The following SLAIN2 variants were observed in gnomAD, a reference collection of about 807,000 sequenced individuals.
SLAIN2 encodes the protein SLAIN motif-containing protein 2.
A neutral mutation model predicts 56.6 loss-of-function variants in SLAIN2; 31 were observed. That is an observed-to-expected ratio of 0.55 (90% CI 0.41 to 0.74). The LOEUF (loss-of-function observed/expected upper bound fraction) is 0.74, where lower values mean the gene tolerates loss of function less well. SLAIN2 is among the 30% of genes least tolerant of loss of function. SLAIN2 has a pLI of 0.00. For synonymous variants in SLAIN2, 317 were observed against 284.9 expected, an observed-to-expected ratio of 1.11 and a Z score of -1.13; for missense variants, 777 against 754.2, an observed-to-expected ratio of 1.03 and a Z score of -0.35.
In SLAIN2 at chr4:48,424,112, T is replaced by G. The variant is rs951814670; in HGVS notation, c.*2035T>G. On this transcript the variant is annotated 3_prime_UTR_variant, in exon 8 of 8. Coordinates refer to ENST00000264313, the MANE Select transcript of SLAIN2 (RefSeq NM_020846.2). ...GAGTATTCAGGTTATTTAACTTTGT[T>G]TTTAAATGGCTGCATCAGAAAAAAA... 6.6e-6 allele frequency: 1 copy of G among 152,212 alleles called. No individual in the cohort carries two copies. The highest frequency in any genetic ancestry group is 2.4e-5 in the African/African-American group (1 of 41,466). The allele number at this position is 152,212 out of a possible 1,614,324, so 9.4% of individuals were successfully genotyped here.
intron 6 of SLAIN2, among the ~76,000 whole-genome samples, chr4:48,418,740 G>A (rs1236148663): frequency 2.0e-5 from 3 of 151,996 alleles, no homozygotes; most frequent in African/African-American, 7.2e-5. Context: ...TTAAACATTT[G>A]GTGGAATTTC....
rs143032819 is a variant in SLAIN2, at chr4:48,343,434, A to G, written c.389+1306A>G. Among the ~76,000 whole-genome samples the G allele has an allele frequency of 3.8e-3, 575 of 152,292 alleles. 5 individuals carry two copies. The highest frequency in any genetic ancestry group is 0.013 in the African/African-American group (532 of 41,582). On this transcript the variant is annotated intron_variant, in intron 1 of 7. Transcript: ENST00000264313. ...ACTTAAATCAAGAAACAGTTCTTAT[A>G]TGATGTTGTAGGAGATTCTGGTGAT...
chr4:48,346,463 A>C (rs1224081471), intron 1 of SLAIN2, among the ~76,000 whole-genome samples: 1 of 152,088 alleles, frequency 6.6e-6, no homozygotes, highest in Non-Finnish European at 1.5e-5. Flanking sequence ...TTTGTTGATA[A>C]ATGTCCCAAT....
intron 1 of SLAIN2, among the ~76,000 whole-genome samples, chr4:48,344,696 T>C (rs1024784684): frequency 6.6e-6 from 1 of 152,084 alleles, no homozygotes; most frequent in Non-Finnish European, 1.5e-5. Context: ...TACTCTTCTT[T>C]TTTTTTTTGG....
At chr4:48,342,150 G>A (rs1560446851) in intron 1 of SLAIN2, 22 bp downstream of exon 1, 5 of 1,337,226 alleles carry the variant, frequency 3.7e-6, no homozygotes, top group Non-Finnish European at 4.8e-6. Context: ...GCGCCGGGCA[G>A]GAGCTGGGCG....
At chr4:48,395,725 T>C (rs969784314) in intron 6 of SLAIN2, among the ~76,000 whole-genome samples, 1 of 151,738 alleles carries the variant, frequency 6.6e-6, no homozygotes, top group African/African-American at 2.4e-5. Flanking sequence ...ATAGACTGGA[T>C]AGATTATGTT....
At chr4:48,402,360 C>T (rs1716577231) in intron 6 of SLAIN2, among the ~76,000 whole-genome samples, 1 of 152,106 alleles carries the variant, frequency 6.6e-6, no homozygotes, top group Admixed American at 6.5e-5. Context: ...TGGATGATAT[C>T]CTGAAGTATG....
intron 4 of SLAIN2, among the ~76,000 whole-genome samples, chr4:48,380,179 G>A (rs1715933056): frequency 6.6e-6 from 1 of 152,046 alleles, no homozygotes; most frequent in African/African-American, 2.4e-5. Flanking sequence ...TTGTGTTTTA[G>A]TGTAAACCAG....
chr4:48,383,723 T>C lies in SLAIN2; in HGVS notation c.1299T>C (p.Ser433=). ...TQVDSVKSSR[S]DSNFQVPNGG... ...TTGACTCAGTGAAAAGCAGCAGAAGTGACTCAAATTTTCAAGTGCCAAACG... is the reference window on the plus strand; with the variant it reads ...TTGACTCAGTGAAAAGCAGCAGAAGCGACTCAAATTTTCAAGTGCCAAACG... Residue 433 remains serine, a synonymous_variant, in exon 6 of 8, where the codon AGT becomes AGC. Transcript: ENST00000264313. 6.2e-7 allele frequency: 1 copy of C among 1,611,862 alleles called. No individual in the cohort carries two copies. Among genetic ancestry groups the C allele is most frequent in the South Asian group, 1.1e-5 (1 of 90,626 alleles).
intron 6 of SLAIN2, among the ~76,000 whole-genome samples, chr4:48,398,291 T>G (rs1299432555): frequency 1.3e-5 from 2 of 152,234 alleles, no homozygotes; most frequent in Admixed American, 1.3e-4. Flanking sequence ...CATGAATGTC[T>G]TATTTTGAGA....
intron 1 of SLAIN2, among the ~76,000 whole-genome samples, chr4:48,345,375 G>A (rs1714836303): frequency 6.6e-6 from 1 of 151,964 alleles, no homozygotes; most frequent in Admixed American, 6.6e-5. Context: ...CTTCGACCAT[G>A]GTTATTTTTT....
rs970173161 is a variant in SLAIN2, at chr4:48,426,194, T to C, written c.*4117T>C. On this transcript the variant is annotated 3_prime_UTR_variant, in exon 8 of 8. Coordinates refer to ENST00000264313, the MANE Select transcript of SLAIN2 (RefSeq NM_020846.2). ...GTTTCTTTTAAATAAATGTTTCTTA[T>C]GTAAAAATGTTGACATGAGTTTGCT... The C allele has an allele frequency of 1.3e-5, 2 of 152,084 alleles. No individual in the cohort carries two copies. The highest frequency in any genetic ancestry group is 2.4e-5 in the African/African-American group (1 of 41,432). 9.4% of individuals were successfully genotyped at this position (152,084 alleles called of 1,614,324 possible).
At chr4:48,345,098 G>A (rs529697430) in intron 1 of SLAIN2, among the ~76,000 whole-genome samples, 4 of 152,168 alleles carry the variant, frequency 2.6e-5, no homozygotes, top group Admixed American at 1.3e-4. Flanking sequence ...CTCTCTCCAA[G>A]CATCAAATAA....
At chr4:48,349,216 A>C (rs1015400526) in intron 1 of SLAIN2, among the ~76,000 whole-genome samples, 17 of 152,194 alleles carry the variant, frequency 1.1e-4, no homozygotes, top group Non-Finnish European at 2.2e-4. Context: ...TGGTCTGTGT[A>C]GTCTAGAATG....
At chr4:48,344,167 TC>T (rs1181967034) in intron 1 of SLAIN2, among the ~76,000 whole-genome samples, 1 of 152,218 alleles carries the variant, frequency 6.6e-6, no homozygotes, top group African/African-American at 2.4e-5. Flanking sequence ...ACTGCTTTGA[TC>T]CTGGCTTCAT....
chr4:48,364,303 C>T (rs1486156465), intron 1 of SLAIN2, among the ~76,000 whole-genome samples: 1 of 98,050 alleles, frequency 1.0e-5, no homozygotes, highest in Non-Finnish European at 2.3e-5. Context: ...ACGCTCCTCA[C>T]TTCCTAGATG....
intron 1 of SLAIN2, among the ~76,000 whole-genome samples, chr4:48,357,046 T>G (rs1403635455): frequency 1.3e-5 from 2 of 151,722 alleles, no homozygotes; most frequent in African/African-American, 2.4e-5. Context: ...TTAATGAGTT[T>G]GCCTTGCTAA....
At chr4:48,400,608 G>T (rs969824235) in intron 6 of SLAIN2, among the ~76,000 whole-genome samples, 1 of 151,926 alleles carries the variant, frequency 6.6e-6, no homozygotes, top group East Asian at 1.9e-4. Flanking sequence ...CACTATGTTG[G>T]CCACACTTGT....
rs769982983 is a variant in SLAIN2, at chr4:48,369,957, TA to T, written c.504del (p.Lys168AsnfsTer27). The T allele has an allele frequency of 1.2e-6, 2 of 1,613,706 alleles. No individual in the cohort carries two copies. The highest frequency in any genetic ancestry group is 8.5e-7 in the Non-Finnish European group (1 of 1,179,690). On this transcript the variant is annotated frameshift_variant, in exon 2 of 8. Coordinates refer to ENST00000264313, the MANE Select transcript of SLAIN2 (RefSeq NM_020846.2). LOFTEE classifies it high-confidence loss of function. ...DYPSPDVECAKKSLIHKLDQT... is the reference protein window; with the variant it reads ...DYPSPDVECAXKSLIHKLDQT... ...ACCCAAGTCCTGATGTTGAGTGTGC[TA>T]AAAAATCTCTTATCCACAAACTTGA...
Sources: allele counts gnomAD v4.1 joint callset (sites outside exome capture counted in the v4.1 genomes callset), GRCh38; gene constraint gnomAD v4.1.1; transcripts MANE v1.5; gene names NCBI Gene and HGNC (gene_info 2026-07-23, HGNC 2026-07-21).